The following SRSF3 variants were observed in gnomAD, a reference collection of about 807,000 sequenced individuals.
The protein encoded by SRSF3 is serine and arginine rich splicing factor 3.
For synonymous variants in SRSF3, 87 were observed against 73.6 expected (o/e 1.18, Z -0.93); for missense variants, 58 against 217.1 (o/e 0.27, Z 4.61).
rs1353234160 is a variant in SRSF3, at chr6:36,602,997, A to G, written c.*1008A>G. 3 of 220,180 alleles carry G rather than the reference A, an allele frequency of 1.4e-5. No individual in the cohort carries two copies. Among genetic ancestry groups the G allele is most frequent in the Non-Finnish European group, 2.7e-5 (3 of 109,698 alleles). The allele number at this position is 220,180 out of a possible 1,614,324, so 13.6% of individuals were successfully genotyped here. ...GTTGGTTACACGATTCTTATTTTATAAGAAACAGCTGAGAGGCACTATGGA... is the reference window on the plus strand; with the variant it reads ...GTTGGTTACACGATTCTTATTTTATGAGAAACAGCTGAGAGGCACTATGGA... On this transcript the variant is annotated 3_prime_UTR_variant, in exon 6 of 6. Coordinates refer to ENST00000373715, the MANE Select transcript of SRSF3 (RefSeq NM_003017.5).
At chr6:36,601,935 G>C (rs200982032) in intron 5 of SRSF3, 27 bp from the exon 6 acceptor site, 64 of 1,319,040 alleles carry the variant, frequency 4.9e-5, no homozygotes, top group Non-Finnish European at 5.8e-5. Context: ...GTAATGTTTT[G>C]TTTTCTTTTT....
intron 1 of SRSF3, among the ~76,000 whole-genome samples, chr6:36,595,460 C>A (rs1198229930): frequency 6.6e-6 from 1 of 152,176 alleles, no homozygotes; most frequent in Admixed American, 6.5e-5. Flanking sequence ...CACCTCCCCC[C>A]GCAGGAGACT....
rs1488746512 is a variant in SRSF3, at chr6:36,601,790, C to T, written c.463C>T (p.Arg155Cys). Residue 155 changes from arginine to cysteine, a missense_variant, in exon 5 of 6, where the codon CGT becomes TGT. Coordinates refer to ENST00000373715, the MANE Select transcript of SRSF3 (RefSeq NM_003017.5). ...HKPSRSFSRS[R>C]SRSRSNERK ...GCCGTCCCGATCCTTCTCTAGGTCT[C>T]GTAGGTAAGATCTTTGATAACTTGT... is the stretch of plus-strand genomic sequence containing the variant. The T allele has an allele frequency of 3.7e-6, 6 of 1,607,896 alleles. No homozygotes were observed. Among genetic ancestry groups the T allele is most frequent in the Admixed American group, 1.7e-5 (1 of 59,904 alleles).
chr6:36,604,733 TTTG>T lies in SRSF3; in HGVS notation c.*2748_*2750del, dbSNP rs1248501276. ...AGTACAGTGCTGCCTAATTAGAAAT[TTTG>T]TTGAAGAGGTATTTCAGAATAGATA... On this transcript the variant is annotated 3_prime_UTR_variant, in exon 6 of 6. Transcript: ENST00000373715. 2 of 152,990 alleles carry T rather than the reference TTTG, an allele frequency of 1.3e-5. No homozygotes were observed. The highest frequency in any genetic ancestry group is 2.9e-5 in the Non-Finnish European group (2 of 68,558). 9.5% of individuals were successfully genotyped at this position (152,990 alleles called of 1,614,324 possible).
In SRSF3 at chr6:36,602,858, G is replaced by A; in HGVS notation, c.*869G>A. The A allele has an allele frequency of 4.8e-6, 1 of 208,254 alleles. No homozygotes were observed. The highest frequency in any genetic ancestry group is 9.8e-6 in the Non-Finnish European group (1 of 101,984). The allele number at this position is 208,254 out of a possible 1,614,324, so 12.9% of individuals were successfully genotyped here. On this transcript the variant is annotated 3_prime_UTR_variant, in exon 6 of 6. Transcript: ENST00000373715. ...CAAGTCCAGGTATAACATTCCTATTGGAAGCCATACTTATATTTTCTTGTA... is the reference window on the plus strand; with the variant it reads ...CAAGTCCAGGTATAACATTCCTATTAGAAGCCATACTTATATTTTCTTGTA...
At chr6:36,600,211 A>T in intron 3 of SRSF3, 1 of 1,056,950 alleles carries the variant, frequency 9.5e-7, no homozygotes, top group Non-Finnish European at 1.1e-6. Flanking sequence ...TTTTCAGCAA[A>T]TTCTTCCTGG....
chr6:36,594,530 T>C (rs1410707478), intron 1 of SRSF3, 49 bp downstream of exon 1: 1 of 152,258 alleles, frequency 6.6e-6, no homozygotes, highest in African/African-American at 2.4e-5. Flanking sequence ...AATTTAACAG[T>C]ACCAAGGAGC....
intron 1 of SRSF3, among the ~76,000 whole-genome samples, chr6:36,596,100 T>G (rs1778623104): frequency 6.6e-6 from 1 of 152,140 alleles, no homozygotes; most frequent in Non-Finnish European, 1.5e-5. Flanking sequence ...AATTTTTGTA[T>G]TTTTAGTTGT....
chr6:36,597,001 T>C (rs1240799605), intron 2 of SRSF3, 33 bp downstream of exon 2: 2 of 1,603,726 alleles, frequency 1.2e-6, no homozygotes, highest in Non-Finnish European at 1.7e-6. Context: ...AAAAATGTGT[T>C]GCTTGTGTTT....
chr6:36,600,690 C>T (rs1778696628), intron 3 of SRSF3: 1 of 153,814 alleles, frequency 6.5e-6, no homozygotes, highest in Non-Finnish European at 1.4e-5. Flanking sequence ...CACTTAATGG[C>T]ATCAATATTT....
chr6:36,599,291 A>G (rs144837689), intron 3 of SRSF3: 115 of 283,626 alleles, frequency 4.1e-4, no homozygotes, highest in African/African-American at 2.3e-3. Context: ...TCTTGGCTCC[A>G]TAATGACAAA....
At position 36,596,855 on chromosome 6, in the gene SRSF3, C is replaced by A; in HGVS notation, c.93C>A (p.Gly31=). The A allele has an allele frequency of 6.2e-7, 1 of 1,613,990 alleles. No individual in the cohort carries two copies. The highest frequency in any genetic ancestry group is 8.5e-7 in the Non-Finnish European group (1 of 1,180,022). Residue 31 remains glycine, a synonymous_variant, in exon 2 of 6, where the codon GGC becomes GGA. Transcript: ENST00000373715. ...AGACGGAATTGGAACGGGCTTTTGG[C>A]TACTATGGACCACTCCGAAGTGTGT... The part of the protein sequence containing the change: ...GNKTELERAF[G]YYGPLRSVWV...
At chr6:36,596,694 C>A in intron 1 of SRSF3, 67 bp from the exon 2 acceptor site, 1 of 1,414,788 alleles carries the variant, frequency 7.1e-7, no homozygotes, top group Non-Finnish European at 1.0e-6. Flanking sequence ...GGAGTTCTTT[C>A]TAAGGATCTG....
chr6:36,595,595 C>G (rs535008473), intron 1 of SRSF3, among the ~76,000 whole-genome samples: 1 of 152,160 alleles, frequency 6.6e-6, no homozygotes, highest in African/African-American at 2.4e-5. Flanking sequence ...GAATCGTGTA[C>G]TTTTATGTCT....
In SRSF3 at chr6:36,602,913, A is replaced by G. The variant is rs752584691; in HGVS notation, c.*924A>G. On this transcript the variant is annotated 3_prime_UTR_variant, in exon 6 of 6. Transcript: ENST00000373715. Reference sequence around the variant, plus strand: ...GCTTTTGAATTAATAAAATATTAGCATAATTGTGTATAGTCAGTTGAACCC... The same window carrying G: ...GCTTTTGAATTAATAAAATATTAGCGTAATTGTGTATAGTCAGTTGAACCC... 3.8e-5 allele frequency: 8 copies of G among 212,064 alleles called. No individual in the cohort carries two copies. Among genetic ancestry groups the G allele is most frequent in the Non-Finnish European group, 4.8e-5 (5 of 104,640 alleles). The allele number at this position is 212,064 out of a possible 1,614,324, so 13.1% of individuals were successfully genotyped here. A position where few individuals can be genotyped will look rare whatever the true frequency, so the allele number is the denominator to read the frequency against.
chr6:36,594,736 A>G (rs1220445320), intron 1 of SRSF3: 1 of 150,710 alleles, frequency 6.6e-6, no homozygotes, highest in Non-Finnish European at 1.5e-5. Context: ...AGGGGAGCCG[A>G]TAGCCGAGTT....
chr6:36,601,260 G>T, intron 4 of SRSF3, 70 bp downstream of exon 4: 1 of 1,535,752 alleles, frequency 6.5e-7, no homozygotes, highest in Non-Finnish European at 9.0e-7. Flanking sequence ...AACTTTTCCA[G>T]GTGGCTTAGT....
chr6:36,597,803 CT>C lies in SRSF3; in HGVS notation c.206+851del, dbSNP rs377627108. ...TGTATTAAGGGTGAGGAATAATGGT[CT>C]TTTTTTTTTTTTTTTACTACTGTGA... On this transcript the variant is annotated intron_variant, in intron 2 of 5. Transcript: ENST00000373715. Among the ~76,000 whole-genome samples the C allele has an allele frequency of 9.7e-3, 1,271 of 131,086 alleles. 7 individuals are homozygous for C. The highest frequency in any genetic ancestry group is 0.021 in the African/African-American group (754 of 35,570). 86.0% of individuals were successfully genotyped at this position (131,086 alleles called of 152,430 possible). A position where few individuals can be genotyped will look rare whatever the true frequency, so the allele number is the denominator to read the frequency against.
At chr6:36,601,010 T>C (rs1000995097) in intron 3 of SRSF3, 142 bp from the exon 4 acceptor site, 29 of 297,022 alleles carry the variant, frequency 9.8e-5, no homozygotes, top group South Asian at 1.7e-4. Context: ...TCTTTTTTTT[T>C]TTTTTTTTTT....
Sources: allele counts gnomAD v4.1 joint callset (sites outside exome capture counted in the v4.1 genomes callset), GRCh38; gene constraint gnomAD v4.1.1; transcripts MANE v1.5; gene names NCBI Gene and HGNC (gene_info 2026-07-23, HGNC 2026-07-21).